The following MCRIP2 variants were observed in gnomAD, a reference collection of about 807,000 sequenced individuals.
The protein encoded by MCRIP2 is MAPK regulated co-repressor interacting protein 2.
A neutral mutation model predicts 23.2 loss-of-function variants in MCRIP2; 21 were observed. The observed-to-expected ratio is 0.90, with a 90% CI of 0.64 to 1.30. The LOEUF (loss-of-function observed/expected upper bound fraction) is 1.30. MCRIP2 is among the 50% of genes most tolerant of loss of function. MCRIP2 has a pLI of 0.00. For missense variants in MCRIP2, 234 were observed against 223.2 expected (o/e 1.05, Z -0.31); for synonymous variants, 121 against 100.2 (o/e 1.21, Z -1.24).
intron 3 of MCRIP2, 58 bp downstream of exon 3, chr16:647,602 C>A (rs1040504784): frequency 1.7e-5 from 27 of 1,596,170 alleles, no homozygotes; most frequent in Non-Finnish European, 2.2e-5. Context: ...ACCATGGACC[C>A]GGGATGGCCC....
intron 2 of MCRIP2, among the ~76,000 whole-genome samples, chr16:644,329 C>T (rs2037424260): frequency 6.6e-6 from 1 of 152,284 alleles, no homozygotes; most frequent in African/African-American, 2.4e-5. Flanking sequence ...GATGCGCCCA[C>T]CTCGGCCTCC....
chr16:647,254 G>C, intron 2 of MCRIP2, 163 bp from the exon 3 acceptor site: 1 of 917,876 alleles, frequency 1.1e-6, no homozygotes. Context: ...AGAGAGGCCT[G>C]GGCCACCGGC....
At chr16:644,116 C>A (rs2037417622) in intron 2 of MCRIP2, among the ~76,000 whole-genome samples, 1 of 151,978 alleles carries the variant, frequency 6.6e-6, no homozygotes, top group Admixed American at 6.5e-5. Flanking sequence ...GAGTTTTGCT[C>A]TGTTGCCCAG....
intron 2 of MCRIP2, 24 bp downstream of exon 2, chr16:642,273 C>T (rs2151098657): frequency 3.5e-6 from 4 of 1,157,018 alleles, no homozygotes; most frequent in African/African-American, 1.6e-5. Flanking sequence ...GGCCCCGGCC[C>T]GGCCCGGCCC....
At position 648,164 on chromosome 16, in the gene MCRIP2, C is replaced by T. The variant is rs2151113737; in HGVS notation, c.457C>T (p.Leu153=). ...DLDEWWAQQF[L]ARITSCS is the part of the protein sequence containing the mutation. ...AGACGAGTGGTGGGCGCAGCAGTTC[C>T]TGGCGAGAATCACCAGCTGTTCCTA... Residue 153 remains leucine, a synonymous_variant, in exon 5 of 5, where the codon CTG becomes TTG. Transcript: ENST00000307650. The T allele has an allele frequency of 1.2e-6, 2 of 1,611,360 alleles. No homozygotes were observed. Among genetic ancestry groups the T allele is most frequent in the Non-Finnish European group, 1.7e-6 (2 of 1,179,296 alleles).
At position 642,207 on chromosome 16, in the gene MCRIP2, C is replaced by T; in HGVS notation, c.140C>T (p.Ala47Val). The T allele has an allele frequency of 7.7e-7, 1 of 1,298,744 alleles. No individual in the cohort carries two copies. Among genetic ancestry groups the T allele is most frequent in the Non-Finnish European group, 9.8e-7 (1 of 1,022,706 alleles). The allele number at this position is 1,298,744 out of a possible 1,614,324, so 80.5% of individuals were successfully genotyped here. A position where few individuals can be genotyped will look rare whatever the true frequency, so the allele number is the denominator to read the frequency against. Residue 47 changes from alanine to valine, a missense_variant, in exon 2 of 5, where the codon GCG becomes GTG. Transcript: ENST00000307650. ...CCGCCGACCTCGCAGCCCCCGCGGG[C>T]GCAGCCCTTTGCGCAGCCGCCGGGA... The part of the protein sequence containing the change: ...PAPPTSQPPR[A>V]QPFAQPPGPW...
rs2037354168 is a variant in MCRIP2 at position 642,048 on chromosome 16, G to T, written c.52+5G>T. ...TGGTCGCGCAGCGCCGCACAGGTGC[G>T]CACGGGCCGGGGAACGGGAACGGGG... is the stretch of plus-strand genomic sequence containing the variant. On this transcript the variant is annotated splice_donor_5th_base_variant and intron_variant, in intron 1 of 4. Coordinates refer to ENST00000307650, the MANE Select transcript of MCRIP2 (RefSeq NM_138418.4). 3.0e-6 allele frequency: 4 copies of T among 1,320,840 alleles called. No individual in the cohort carries two copies. The highest frequency in any genetic ancestry group is 3.8e-6 in the Non-Finnish European group (4 of 1,039,274). The allele number at this position is 1,320,840 out of a possible 1,614,324, so 81.8% of individuals were successfully genotyped here.
intron 2 of MCRIP2, among the ~76,000 whole-genome samples, chr16:643,913 G>A (rs1353304634): frequency 1.3e-5 from 2 of 152,280 alleles, no homozygotes; most frequent in East Asian, 3.9e-4. Context: ...CCCGTGTGCA[G>A]TGGGGCTAGA....
chr16:643,463 A>G (rs1449095738), intron 2 of MCRIP2, among the ~76,000 whole-genome samples: 1 of 151,088 alleles, frequency 6.6e-6, no homozygotes, highest in Non-Finnish European at 1.5e-5. Context: ...AGGGAAGAAG[A>G]TGGAAATGCT....
At chr16:642,273 CG>C (rs951152128) in intron 2 of MCRIP2, 24 bp downstream of exon 2, 168 of 1,156,910 alleles carry the variant, frequency 1.5e-4, no homozygotes, top group Non-Finnish European at 1.7e-4. Flanking sequence ...GGCCCCGGCC[CG>C]GCCCGGCCCG....
Position 641,892 on chromosome 16 carries a change from C to A in MCRIP2, c.-100C>A. On this transcript the variant is annotated 5_prime_UTR_variant, in exon 1 of 5. Transcript: ENST00000307650. The stretch of plus-strand genomic sequence containing the variant: ...TTAAGGGCCGGGGGCGTGTAGCGGG[C>A]CCGCCCCCTCCCCGCGGCGCCCGCA... The A allele has an allele frequency of 1.8e-6, 2 of 1,100,948 alleles. No individual in the cohort carries two copies. Among genetic ancestry groups the A allele is most frequent in the South Asian group, 3.5e-5 (1 of 28,316 alleles). The allele number at this position is 1,100,948 out of a possible 1,614,324, so 68.2% of individuals were successfully genotyped here. A position where few individuals can be genotyped will look rare whatever the true frequency, so the allele number is the denominator to read the frequency against.
chr16:644,133 G>GCC (rs1167421994), intron 2 of MCRIP2, among the ~76,000 whole-genome samples: 16 of 152,010 alleles, frequency 1.1e-4, no homozygotes, highest in Non-Finnish European at 2.1e-4. Flanking sequence ...CCAGGCTGGA[G>GCC]TGCAATGGCA....
chr16:646,090 C>T lies in MCRIP2; in HGVS notation c.183-1327C>T, dbSNP rs1029416210. 1 of 152,196 alleles carries T rather than the reference C, an allele frequency of 6.6e-6. No individual in the cohort carries two copies. Among genetic ancestry groups the T allele is most frequent in the East Asian group, 1.9e-4 (1 of 5,190 alleles). 9.4% of individuals were successfully genotyped at this position (152,196 alleles called of 1,614,324 possible). A position where few individuals can be genotyped will look rare whatever the true frequency, so the allele number is the denominator to read the frequency against. On this transcript the variant is annotated intron_variant, in intron 2 of 4. Transcript: ENST00000307650. The surrounding 1 kb of genome is among the most constrained non-coding windows in gnomAD (Gnocchi z 6.5). ...TGCCCTTTCCCCCAGAGAGCAGCAG[C>T]CTTACGTAACCAGAGCCCCTGGGGC... is the stretch of plus-strand genomic sequence containing the variant.
chr16:646,133 G>A lies in MCRIP2; in HGVS notation c.183-1284G>A, dbSNP rs1273541472. 2 of 152,160 alleles carry A rather than the reference G, an allele frequency of 1.3e-5. No homozygotes were observed. The highest frequency in any genetic ancestry group is 1.9e-4 in the East Asian group (1 of 5,190). The allele number at this position is 152,160 out of a possible 1,614,324, so 9.4% of individuals were successfully genotyped here. A position where few individuals can be genotyped will look rare whatever the true frequency, so the allele number is the denominator to read the frequency against. On this transcript the variant is annotated intron_variant, in intron 2 of 4. Transcript: ENST00000307650. The surrounding 1 kb of genome is among the most constrained non-coding windows in gnomAD (Gnocchi z 6.5). ...CCTGGGGCGGTGCCTGCCTCCTGGGGCCCATCTCTGCCCGAGAGCCGCCAC... is the reference window on the plus strand; with the variant it reads ...CCTGGGGCGGTGCCTGCCTCCTGGGACCCATCTCTGCCCGAGAGCCGCCAC...
At position 648,385 on chromosome 16, in the gene MCRIP2, C is replaced by CCTG. The variant is rs2037563900; in HGVS notation, c.*195_*196insCTG. The stretch of plus-strand genomic sequence containing the variant: ...TGGCCAAGGGCCGAACCCGTCTGAC[C>CCTG]TCAGCCCTGCTCACTGTGCCCAGGG... On this transcript the variant is annotated 3_prime_UTR_variant, in exon 5 of 5. Coordinates refer to ENST00000307650, the MANE Select transcript of MCRIP2 (RefSeq NM_138418.4). 1 of 610,956 alleles carries CCTG rather than the reference C, an allele frequency of 1.6e-6. No individual in the cohort carries two copies. Among genetic ancestry groups the CCTG allele is most frequent in the Non-Finnish European group, 2.9e-6 (1 of 344,464 alleles). 37.8% of individuals were successfully genotyped at this position (610,956 alleles called of 1,614,324 possible). A position where few individuals can be genotyped will look rare whatever the true frequency, so the allele number is the denominator to read the frequency against.
chr16:647,602 C>T (rs1040504784), intron 3 of MCRIP2, 58 bp downstream of exon 3: 14 of 1,596,172 alleles, frequency 8.8e-6, no homozygotes, highest in South Asian at 2.2e-5. Context: ...ACCATGGACC[C>T]GGGATGGCCC....
chr16:648,311 C>G lies in MCRIP2; in HGVS notation c.*121C>G. On this transcript the variant is annotated 3_prime_UTR_variant, in exon 5 of 5. Coordinates refer to ENST00000307650, the MANE Select transcript of MCRIP2 (RefSeq NM_138418.4). ...CACACCTGAAGTGCCAGCATTTGGA[C>G]TTTTGCACCTTTTTTTCCCTTGGCC... 9.8e-7 allele frequency: 1 copy of G among 1,016,158 alleles called. No individual in the cohort carries two copies. Among genetic ancestry groups the G allele is most frequent in the South Asian group, 1.4e-5 (1 of 72,010 alleles). The allele number at this position is 1,016,158 out of a possible 1,614,324, so 62.9% of individuals were successfully genotyped here.
At chr16:647,709 G>A (rs1567211033) in intron 3 of MCRIP2, 74 bp from the exon 4 acceptor site, 5 of 1,513,880 alleles carry the variant, frequency 3.3e-6, no homozygotes, top group African/African-American at 1.4e-5. Flanking sequence ...CTGGAGTCCA[G>A]GGTGACCATC....
At chr16:647,995 G>A in intron 4 of MCRIP2, 111 bp downstream of exon 4, 1 of 1,208,194 alleles carries the variant, frequency 8.3e-7, no homozygotes. Context: ...CTCTTGTGCA[G>A]AAACCCCTTC....
Sources: gnomAD v4.1 joint callset for allele counts (sites outside exome capture counted in the v4.1 genomes callset) on GRCh38, gnomAD v4.1.1 for gene constraint, Gnocchi (gnomAD v3.1) non-coding constraint, MANE v1.5 for transcripts, NCBI Gene and HGNC (gene_info 2026-07-23, HGNC 2026-07-21) for gene names.